The following MYO3B variants were observed in gnomAD, a reference collection of about 807,000 sequenced individuals.
The protein encoded by MYO3B is myosin IIIB.
In MYO3B, 156 loss-of-function variants were observed where a neutral mutation model predicts 174.6. The observed-to-expected ratio is 0.89, with a 90% confidence interval of 0.78 to 1.02. The LOEUF (loss-of-function observed/expected upper bound fraction) is 1.02, where lower values mean the gene tolerates loss of function less well. Ranked by LOEUF, MYO3B falls within the 50% of genes least tolerant of loss-of-function variation. The pLI is 0.00. For synonymous variants in MYO3B, 563 were observed against 569.1 expected, an observed-to-expected ratio of 0.99 and a Z score of 0.15; for missense variants, 1,632 against 1,639.4, an observed-to-expected ratio of 1.00 and a Z score of 0.08.
At chr2:170,348,429 G>A (rs2094034554) in intron 8 of MYO3B, 1 of 152,098 alleles carries the variant, frequency 6.6e-6, no homozygotes. Context: ...GTAGAGATGA[G>A]ATTTCATCAT....
At chr2:170,184,555 A>G (rs1436806861) in intron 1 of MYO3B, among the ~76,000 whole-genome samples, 1 of 152,170 alleles carries the variant, frequency 6.6e-6, no homozygotes, top group Non-Finnish European at 1.5e-5. Context: ...TCCATTGTAT[A>G]TATAAACCTG....
intron 25 of MYO3B, among the ~76,000 whole-genome samples, chr2:170,482,543 T>C (rs184338814): frequency 7.2e-5 from 11 of 152,366 alleles, no homozygotes; most frequent in Non-Finnish European, 1.2e-4. Flanking sequence ...TCCCCAGCCA[T>C]GTGGAACTGT....
chr2:170,410,595 A>G (rs77649328), intron 22 of MYO3B, among the ~76,000 whole-genome samples: 1 of 148,994 alleles, frequency 6.7e-6, no homozygotes, highest in Non-Finnish European at 1.5e-5. Flanking sequence ...AAAAAAAGAA[A>G]AAAAAAAAAA....
chr2:170,491,642 G>A (rs1686488311), intron 25 of MYO3B, among the ~76,000 whole-genome samples: 1 of 152,224 alleles, frequency 6.6e-6, no homozygotes, highest in Non-Finnish European at 1.5e-5. Context: ...AGCCAGGACG[G>A]TCTCAATCTC....
At chr2:170,526,638 G>C (rs1205802140) in intron 30 of MYO3B, among the ~76,000 whole-genome samples, 1 of 152,140 alleles carries the variant, frequency 6.6e-6, no homozygotes, top group Non-Finnish European at 1.5e-5. Flanking sequence ...AACATTCAGA[G>C]CTTAGTTGAT....
At chr2:170,486,299 C>CTTTTT (rs10715918) in intron 25 of MYO3B, among the ~76,000 whole-genome samples, 41 of 99,186 alleles carry the variant, frequency 4.1e-4, no homozygotes, top group African/African-American at 1.1e-3. Flanking sequence ...AGAATCCATT[C>CTTTTT]TTTTTTTTTT....
At chr2:170,265,141 T>A (rs2093373527) in intron 7 of MYO3B, among the ~76,000 whole-genome samples, 1 of 152,224 alleles carries the variant, frequency 6.6e-6, no homozygotes, top group Non-Finnish European at 1.5e-5. Context: ...GAAACTGTTC[T>A]TACCTCCTGA....
At chr2:170,514,245 C>T (rs140023223) in intron 28 of MYO3B, among the ~76,000 whole-genome samples, 22 of 152,218 alleles carry the variant, frequency 1.4e-4, no homozygotes, top group Middle Eastern at 3.4e-3. Flanking sequence ...TCATGGAGAA[C>T]GGAAGAAGAG....
At chr2:170,301,608 C>T (rs1046593996) in intron 7 of MYO3B, among the ~76,000 whole-genome samples, 5 of 152,034 alleles carry the variant, frequency 3.3e-5, no homozygotes, top group African/African-American at 1.2e-4. Flanking sequence ...AGCCAGAATC[C>T]CAGCTTCCAT....
chr2:170,179,373 GT>G (rs1015688121), intron 1 of MYO3B, among the ~76,000 whole-genome samples: 4 of 152,166 alleles, frequency 2.6e-5, no homozygotes, highest in African/African-American at 9.7e-5. Flanking sequence ...GAAGAAGCCA[GT>G]TCCTACTCTT....
intron 1 of MYO3B, among the ~76,000 whole-genome samples, chr2:170,179,199 AACTTAAAAT>A (rs1173759512): frequency 6.6e-6 from 1 of 152,208 alleles, no homozygotes; most frequent in Non-Finnish European, 1.5e-5. Flanking sequence ...TGTAACCTGG[AACTTAAAAT>A]AAAATAAAAT....
chr2:170,443,288 G>A (rs2094815865), intron 22 of MYO3B, among the ~76,000 whole-genome samples: 1 of 152,188 alleles, frequency 6.6e-6, no homozygotes, highest in African/African-American at 2.4e-5. Context: ...CTGCATAAAT[G>A]TCTTCTTTTG....
intron 7 of MYO3B, among the ~76,000 whole-genome samples, chr2:170,311,071 G>A (rs1449993143): frequency 1.3e-5 from 2 of 152,134 alleles, no homozygotes; most frequent in African/African-American, 4.8e-5. Context: ...TGTGAATAGT[G>A]TTACTGTGAA....
At chr2:170,476,163 A>G (rs936352342) in intron 25 of MYO3B, among the ~76,000 whole-genome samples, 1 of 152,170 alleles carries the variant, frequency 6.6e-6, no homozygotes, top group Non-Finnish European at 1.5e-5. Context: ...GAGCACGTGG[A>G]TGGACACGTG....
At chr2:170,427,133 A>C (rs1198347625) in intron 22 of MYO3B, among the ~76,000 whole-genome samples, 2 of 152,254 alleles carry the variant, frequency 1.3e-5, no homozygotes, top group Non-Finnish European at 2.9e-5. Context: ...GCATATTTGC[A>C]TTGAGTTTAA....
intron 22 of MYO3B, chr2:170,408,660 C>T (rs1375890457): frequency 6.6e-6 from 1 of 151,112 alleles, no homozygotes; most frequent in East Asian, 2.0e-4. Context: ...TATCACTGTT[C>T]ATTGTTCACT....
rs765795454 is a variant in MYO3B at position 170,400,275 on chromosome 2, G to C, written c.1879G>C (p.Asp627His). The C allele has an allele frequency of 5.6e-6, 9 of 1,613,950 alleles. No homozygotes were observed. In the Admixed American group the frequency reaches 1.0e-4, roughly 18 times the overall value. Residue 627 changes from aspartate to histidine, a missense_variant, in exon 17 of 35, where the codon GAT (aspartate) becomes CAT (histidine). Asp to His is a moderately conservative substitution (Grantham distance 81, BLOSUM62 -1). Coordinates refer to ENST00000408978, the MANE Select transcript of MYO3B (RefSeq NM_138995.5). Reference protein sequence around the residue: ...FAAISSQHQTDKSEVPNAEAL... With the variant: ...FAAISSQHQTHKSEVPNAEAL... ...AGCTATTTCCTCTCAACATCAGACT[G>C]ATAAAAGTGAGGTGCCCAATGCTGA...
At chr2:170,366,401 A>C (rs1000593714) in intron 8 of MYO3B, among the ~76,000 whole-genome samples, 19 of 152,110 alleles carry the variant, frequency 1.2e-4, no homozygotes, top group Admixed American at 1.2e-3. Context: ...CCTGGGCTCA[A>C]GTGATCCTCC....
At chr2:170,199,644 A>G (rs923021503) in intron 2 of MYO3B, among the ~76,000 whole-genome samples, 2 of 152,186 alleles carry the variant, frequency 1.3e-5, no homozygotes, top group South Asian at 2.1e-4. Flanking sequence ...ATTCTCTTGG[A>G]AAGAGTAATA....
Sources: gnomAD v4.1 joint callset for allele counts (sites outside exome capture counted in the v4.1 genomes callset) on GRCh38, gnomAD v4.1.1 for gene constraint, MANE v1.5 for transcripts, NCBI Gene and HGNC (gene_info 2026-07-23, HGNC 2026-07-21) for gene names.